The following RIF1 variants were observed in gnomAD, a reference collection of about 807,000 sequenced individuals.
RIF1 encodes the protein replication timing regulatory factor 1.
A neutral mutation model predicts 247.1 loss-of-function variants in RIF1; 45 were observed. The observed-to-expected ratio is 0.18, with a 90% CI of 0.14 to 0.23. The LOEUF (loss-of-function observed/expected upper bound fraction) is 0.23, where lower values mean the gene tolerates loss of function less well. Among genes scored for constraint, RIF1 ranks in the 10% least tolerant of loss-of-function variants. The probability of loss-of-function intolerance (pLI) is 1.00; values close to 1 mark genes in which losing one functional copy is unlikely to be tolerated. For missense variants in RIF1, 2,967 were observed against 2,862.5 expected (o/e 1.04, Z -0.83); for synonymous variants, 1,087 against 978.8 (o/e 1.11, Z -2.06).
the RIF1 span, among the ~76,000 whole-genome samples, chr2:151,534,016 A>C: frequency 6.6e-6 from 1 of 152,218 alleles, no homozygotes; most frequent in African/African-American, 2.4e-5. Context: ...TCACCACAGC[A>C]CAAGTGAGAA....
chr2:151,494,316 G>A, intron 9 of RIF1: 2 of 1,108,230 alleles, frequency 1.8e-6, no homozygotes, highest in South Asian at 2.8e-5. Context: ...ACCAAAAAAG[G>A]AAATGGTACA....
rs1037597159 is a variant in RIF1 at position 151,497,103 on chromosome 2, T to TAA, written c.*513+1778_*513+1779dup. ...TTCATTTGTTGAAAGGTTTTAAGGGTAAGGTCAGCTTCCTTGTTAAGACAA... is the reference window on the plus strand; with the variant it reads ...TTCATTTGTTGAAAGGTTTTAAGGGTAAAAGGTCAGCTTCCTTGTTAAGACAA... On this transcript the variant is annotated intron_variant and NMD_transcript_variant, in intron 10 of 13. Coordinates refer to the RIF1 transcript ENST00000454583. 26 of 1,500,180 alleles carry TAA rather than the reference T, an allele frequency of 1.7e-5. No individual in the cohort carries two copies. The African/African-American group carries it at 3.5e-4, about 20-fold the overall frequency. The allele number at this position is 1,500,180 out of a possible 1,614,324, so 92.9% of individuals were successfully genotyped here.
At chr2:151,434,995 T>G (rs1162528698) in intron 10 of RIF1, among the ~76,000 whole-genome samples, 1 of 152,222 alleles carries the variant, frequency 6.6e-6, no homozygotes, top group Non-Finnish European at 1.5e-5. Flanking sequence ...TAACATGAAA[T>G]AATTGAAGAT....
chr2:151,474,932 A>G lies in RIF1; in HGVS notation c.7280A>G (p.Gln2427Arg). 2 of 1,610,094 alleles carry G rather than the reference A, an allele frequency of 1.2e-6. No individual in the cohort carries two copies. The highest frequency in any genetic ancestry group is 1.7e-6 in the Non-Finnish European group (2 of 1,176,460). ...LLAQISALALQLDSEDLHNYS... is the reference protein window; with the variant it reads ...LLAQISALALRLDSEDLHNYS... ...GCACAGATTAGTGCTCTTGCTCTTCAGCTGGATTCAGAAGATCTTCATAAT... is the reference window on the plus strand; with the variant it reads ...GCACAGATTAGTGCTCTTGCTCTTCGGCTGGATTCAGAAGATCTTCATAAT... Residue 2427 changes from glutamine (Q) to arginine (R), a missense_variant, in exon 36 of 36, where the codon CAG (glutamine) becomes CGG (arginine). Physicochemically the swap from Gln to Arg is conservative, Grantham distance 43. Coordinates refer to ENST00000444746, the MANE Select transcript of RIF1 (RefSeq NM_018151.5).
chr2:151,503,696 TAATA>T (rs1176549124), intron 12 of RIF1, among the ~76,000 whole-genome samples: 3 of 152,176 alleles, frequency 2.0e-5, no homozygotes, highest in South Asian at 2.1e-4. Flanking sequence ...TAAAATGCAT[TAATA>T]AATAAATTTA....
intron 10 of RIF1, chr2:151,497,066 CATGAGT>C: frequency 6.5e-7 from 1 of 1,545,576 alleles, no homozygotes; most frequent in East Asian, 2.4e-5. Flanking sequence ...GAAAAACAAC[CATGAGT>C]AACATTTCAT....
the RIF1 span, chr2:151,526,970 G>C: frequency 6.2e-7 from 1 of 1,604,714 alleles, no homozygotes; most frequent in African/African-American, 1.3e-5. Flanking sequence ...TTTGTCATCA[G>C]TGACAGAAAG....
At chr2:151,471,025 C>CT (rs34599147) in intron 34 of RIF1, among the ~76,000 whole-genome samples, 229 of 151,188 alleles carry the variant, frequency 1.5e-3, no homozygotes, top group East Asian at 4.9e-3. Context: ...AATTTTGAAT[C>CT]TTTTTTTTTA....
chr2:151,484,879 C>T (rs1360428543), downstream of RIF1, among the ~76,000 whole-genome samples: 1 of 152,162 alleles, frequency 6.6e-6, no homozygotes, highest in Non-Finnish European at 1.5e-5. Context: ...TAGAGGTGTA[C>T]GTTGGTCATT....
intron 35 of RIF1, 81 bp downstream of exon 35, chr2:151,474,153 T>C: frequency 1.4e-6 from 1 of 739,088 alleles, no homozygotes; most frequent in Non-Finnish European, 2.4e-6. Context: ...TTTAGTCTGA[T>C]TTGACCATGC....
At position 151,493,375 on chromosome 2, in the gene RIF1, C is replaced by T. The variant is rs781388562; in HGVS notation, c.*416-1854C>T. 2.6e-5 allele frequency: 42 copies of T among 1,612,076 alleles called. No individual in the cohort carries two copies. The East Asian group carries it at 7.1e-4, about 27-fold the overall frequency. ...TACCGAGCTAATGTTTTCTTGGTTG[C>T]GCTTAGCTCTCTCCATCTCTGGAGT... On this transcript the variant is annotated intron_variant and NMD_transcript_variant, in intron 9 of 13. Coordinates refer to the RIF1 transcript ENST00000454583.
intron 1 of RIF1, 172 bp from the exon 2 acceptor site, chr2:151,410,241 CG>C: frequency 1.6e-6 from 1 of 632,636 alleles, no homozygotes; most frequent in Non-Finnish European, 2.8e-6. Flanking sequence ...TGGTGTCGGG[CG>C]CCGGAGGAGG....
chr2:151,466,345 T>C (rs1275013230), intron 30 of RIF1, among the ~76,000 whole-genome samples: 1 of 152,220 alleles, frequency 6.6e-6, no homozygotes, highest in Non-Finnish European at 1.5e-5. Flanking sequence ...TAAAGATCTT[T>C]ATGCAGCTGT....
In RIF1 at chr2:151,469,705, G is replaced by A; in HGVS notation, c.6942-6G>A. 1.3e-6 allele frequency: 2 copies of A among 1,533,626 alleles called. No individual in the cohort carries two copies. Among genetic ancestry groups the A allele is most frequent in the Non-Finnish European group, 1.7e-6 (2 of 1,143,118 alleles). ...AATTATAATTTCCTGTTTCTGTTTT[G>A]TTTAGGGCAAGAGGCCTGGGACAAC... On this transcript the variant is annotated splice_polypyrimidine_tract_variant and splice_region_variant and intron_variant, in intron 33 of 35. Coordinates refer to ENST00000444746, the MANE Select transcript of RIF1 (RefSeq NM_018151.5).
chr2:151,446,322 A>C, intron 19 of RIF1, 104 bp from the exon 20 acceptor site: 1 of 1,086,308 alleles, frequency 9.2e-7, no homozygotes, highest in Non-Finnish European at 1.4e-6. Context: ...TTGACACACT[A>C]AATGTTGCAG....
At chr2:151,496,493 T>A (rs1234557013) in intron 10 of RIF1, 7 of 1,453,624 alleles carry the variant, frequency 4.8e-6, no homozygotes, top group Non-Finnish European at 6.5e-6. Flanking sequence ...AGAAGTTATA[T>A]GCTGACAAAA....
At chr2:151,524,584 C>T in the RIF1 span, 9 of 1,594,774 alleles carry the variant, frequency 5.6e-6, no homozygotes, top group African/African-American at 4.1e-5. Flanking sequence ...TGGTGTAATG[C>T]AGGTTCTCTT....
rs779434256 is a variant in RIF1, at chr2:151,490,187, A to T, written c.*416-5042A>T. 212 of 1,191,754 alleles carry T rather than the reference A, an allele frequency of 1.8e-4. 1 individual carries two copies. The highest frequency in any genetic ancestry group is 2.5e-4 in the Non-Finnish European group (207 of 840,572). 73.8% of individuals were successfully genotyped at this position (1,191,754 alleles called of 1,614,324 possible). Reference sequence around the variant, plus strand: ...TTTCCCCCAACTTAGAATGATTTCCAAAAAGAGAAATCAAAGAAAATGAAA... The same window carrying T: ...TTTCCCCCAACTTAGAATGATTTCCTAAAAGAGAAATCAAAGAAAATGAAA... On this transcript the variant is annotated intron_variant and NMD_transcript_variant, in intron 9 of 13. Transcript: ENST00000454583.
At chr2:151,519,603 CAGTT>C in the RIF1 span, 2 of 1,308,346 alleles carry the variant, frequency 1.5e-6, no homozygotes, top group South Asian at 2.4e-5. Flanking sequence ...CACTTAAAAA[CAGTT>C]AAAATGGCAA....
Sources: gnomAD v4.1 joint callset for allele counts (sites outside exome capture counted in the v4.1 genomes callset) on GRCh38, gnomAD v4.1.1 for gene constraint, MANE v1.5 for transcripts, NCBI Gene and HGNC (gene_info 2026-07-23, HGNC 2026-07-21) for gene names.